MBTD1: variants seen among roughly 807,000 people sequenced by gnomAD.
MBTD1 encodes MBT domain-containing protein 1.
Under a neutral mutation model 87.8 loss-of-function variants are expected in MBTD1, and 24 were observed. That is an observed-to-expected ratio of 0.27 (90% confidence interval 0.20 to 0.38). The LOEUF is 0.38. Among genes scored for constraint, MBTD1 ranks in the 10% least tolerant of loss-of-function variants. The pLI, the probability that MBTD1 is intolerant of heterozygous loss-of-function variation, is 1.00. For missense variants in MBTD1, 436 were observed against 760.2 expected, an observed-to-expected ratio of 0.57 and a Z score of 5.02; for synonymous variants, 237 against 248.6, an observed-to-expected ratio of 0.95 and a Z score of 0.44.
At chr17:51,227,371 G>C (rs952910298) in intron 2 of MBTD1, among the ~76,000 whole-genome samples, 1 of 151,986 alleles carries the variant, frequency 6.6e-6, no homozygotes, top group African/African-American at 2.4e-5. Context: ...GACTAGCCTG[G>C]GCAATATGGC....
chr17:51,260,786 G>T (rs2055436249), upstream of MBTD1: 1 of 1,579,294 alleles, frequency 6.3e-7, no homozygotes, highest in Non-Finnish European at 8.6e-7. Flanking sequence ...GGCGGCGGAG[G>T]AAGAGAGACG....
chr17:51,237,897 T>C (rs1266223935), intron 2 of MBTD1, among the ~76,000 whole-genome samples: 1 of 152,216 alleles, frequency 6.6e-6, no homozygotes, highest in Non-Finnish European at 1.5e-5. Flanking sequence ...CAATAAGGGA[T>C]TACACAAATT....
At chr17:51,214,612 C>T (rs2052461275) in intron 6 of MBTD1, among the ~76,000 whole-genome samples, 1 of 152,156 alleles carries the variant, frequency 6.6e-6, no homozygotes, top group Non-Finnish European at 1.5e-5. Context: ...GACAGCGTCC[C>T]CATCCCAATT....
intron 16 of MBTD1, 120 bp from the exon 17 acceptor site, chr17:51,180,814 T>C (rs1305370787): frequency 4.5e-5 from 30 of 668,154 alleles, no homozygotes; most frequent in Non-Finnish European, 1.8e-5. Context: ...CTTCAGTTAA[T>C]TTTAATTTTC....
intron 12 of MBTD1, among the ~76,000 whole-genome samples, chr17:51,196,811 G>C (rs1010433414): frequency 1.3e-5 from 2 of 151,506 alleles, no homozygotes; most frequent in Non-Finnish European, 2.9e-5. Context: ...AGAATTGCTC[G>C]AACCTGGAAG....
intron 3 of MBTD1, among the ~76,000 whole-genome samples, chr17:51,223,868 T>C (rs2053061203): frequency 6.6e-6 from 1 of 152,092 alleles, no homozygotes; most frequent in Admixed American, 6.6e-5. Context: ...GACTGAAAGT[T>C]AGTAAGAAAA....
intron 13 of MBTD1, 28 bp from the exon 14 acceptor site, chr17:51,193,538 A>G (rs2050912883): frequency 7.9e-7 from 1 of 1,261,274 alleles, no homozygotes; most frequent in Non-Finnish European, 1.2e-6. Context: ...TTTAACTAGC[A>G]GTTCATTTAA....
Position 51,241,824 on chromosome 17 carries a change from G to T in MBTD1, c.-48-16615C>A, listed in dbSNP as rs115638943. ...CAACTGATCTGCCCGCCTTGGCTTC[G>T]CAAAGTGCTAGGATTACAGGCATGA... On this transcript the variant is annotated intron_variant, in intron 2 of 16. Transcript: ENST00000586178. 7.9e-3 allele frequency among the ~76,000 whole-genome samples: 1,198 copies of T among 152,114 alleles called. 17 individuals carry two copies. The highest frequency in any genetic ancestry group is 0.027 in the African/African-American group (1,138 of 41,518).
At chr17:51,260,280 G>A, upstream of MBTD1, 1 of 494,734 alleles carries the variant, frequency 2.0e-6, no homozygotes, top group African/African-American at 2.0e-5. Flanking sequence ...GTGTATAGTC[G>A]GGGTTTCTTG....
At chr17:51,224,625 C>T (rs1481161347) in intron 3 of MBTD1, among the ~76,000 whole-genome samples, 1 of 152,130 alleles carries the variant, frequency 6.6e-6, no homozygotes, top group Non-Finnish European at 1.5e-5. Context: ...ATCCAAGCAC[C>T]AGTTATGTTA....
At chr17:51,241,618 C>T (rs1178735083) in intron 2 of MBTD1, among the ~76,000 whole-genome samples, 3 of 152,042 alleles carry the variant, frequency 2.0e-5, no homozygotes, top group Non-Finnish European at 4.4e-5. Context: ...GGCTGGAGTG[C>T]AGTGGTGCTA....
At chr17:51,253,996 T>A (rs1472797471) in intron 2 of MBTD1, among the ~76,000 whole-genome samples, 1 of 152,178 alleles carries the variant, frequency 6.6e-6, no homozygotes, top group Non-Finnish European at 1.5e-5. Context: ...ATGAGTAAAC[T>A]CACCAGATAT....
intron 13 of MBTD1, among the ~76,000 whole-genome samples, chr17:51,193,837 T>C (rs1319207952): frequency 1.3e-5 from 2 of 152,164 alleles, no homozygotes; most frequent in African/African-American, 2.4e-5. Flanking sequence ...CCCGGGTTGT[T>C]CTCAAACTCC....
At chr17:51,251,552 C>T (rs1203127041) in intron 2 of MBTD1, 1 of 152,150 alleles carries the variant, frequency 6.6e-6, no homozygotes, top group Non-Finnish European at 1.5e-5. Flanking sequence ...TGTACCTTGT[C>T]TAAAGCTTTC....
chr17:51,180,219 A>G lies in MBTD1; in HGVS notation c.*357T>C, dbSNP rs2050251839. The G allele has an allele frequency of 2.1e-5, 4 of 187,114 alleles. No individual in the cohort carries two copies. The South Asian group carries it at 4.3e-4, about 20-fold the overall frequency. 11.6% of individuals were successfully genotyped at this position (187,114 alleles called of 1,614,324 possible). On this transcript the variant is annotated 3_prime_UTR_variant, in exon 17 of 17. Transcript: ENST00000586178. ...GACAGTTCATTTGCATTTAACAGCT[A>G]TATCCTTCTTAAATCATTTCCTTCA... is the stretch of plus-strand genomic sequence containing the variant.
At position 51,259,973 on chromosome 17, in the gene MBTD1, C is replaced by T; in HGVS notation, c.-251G>A. 1.1e-6 allele frequency: 1 copy of T among 931,136 alleles called. No individual in the cohort carries two copies. Among genetic ancestry groups the T allele is most frequent in the Non-Finnish European group, 1.4e-6 (1 of 713,364 alleles). The allele number at this position is 931,136 out of a possible 1,614,324, so 57.7% of individuals were successfully genotyped here. ...CGACTACAGGGGGCCCCCGGCTGGG[C>T]CCAGACCGGTGGCGGGTGCAGCAGC... On this transcript the variant is annotated 5_prime_UTR_variant, in exon 1 of 17. Transcript: ENST00000586178.
chr17:51,194,231 GA>G (rs1282172769), intron 13 of MBTD1, among the ~76,000 whole-genome samples: 19 of 152,108 alleles, frequency 1.2e-4, no homozygotes, highest in African/African-American at 4.3e-4. Flanking sequence ...ATTAAAATTG[GA>G]AAAATCACTG....
intron 6 of MBTD1, among the ~76,000 whole-genome samples, chr17:51,207,580 G>A (rs1348617676): frequency 6.6e-6 from 1 of 152,094 alleles, no homozygotes; most frequent in Non-Finnish European, 1.5e-5. Flanking sequence ...GAGTACCATG[G>A]TAAACTATTT....
At chr17:51,215,562 T>C (rs2052518969) in intron 6 of MBTD1, among the ~76,000 whole-genome samples, 1 of 152,192 alleles carries the variant, frequency 6.6e-6, no homozygotes, top group South Asian at 2.1e-4. Context: ...GAACTTAATC[T>C]AATTCTGAGC....
Sources: gnomAD v4.1 joint callset for allele counts (sites outside exome capture counted in the v4.1 genomes callset) on GRCh38, gnomAD v4.1.1 for gene constraint, MANE v1.5 for transcripts, NCBI Gene and HGNC (gene_info 2026-07-23, HGNC 2026-07-21) for gene names.